CASZ1: variants seen among roughly 807,000 people sequenced by gnomAD.
The protein encoded by CASZ1 is zinc finger protein castor homolog 1.
In CASZ1, 28 loss-of-function variants were observed where a neutral mutation model predicts 135.2. The observed-to-expected ratio is 0.21, with a 90% CI of 0.15 to 0.28. The LOEUF is 0.28. CASZ1 is among the 10% of genes least tolerant of loss of function. CASZ1 has a pLI of 1.00. For missense variants in CASZ1, 2,161 were observed against 2,453.3 expected (o/e 0.88, Z 2.52); for synonymous variants, 1,068 against 1,073.4 (o/e 0.99, Z 0.10).
In CASZ1 at chr1:10,647,170, C is replaced by T. The variant is rs1278688437; in HGVS notation, c.3497+631G>A. The T allele has an allele frequency of 7.5e-6, 7 of 928,592 alleles. No homozygotes were observed. Among genetic ancestry groups the T allele is most frequent in the Non-Finnish European group, 9.0e-6 (7 of 777,368 alleles). The allele number at this position is 928,592 out of a possible 1,614,324, so 57.5% of individuals were successfully genotyped here. On this transcript the variant is annotated intron_variant, in intron 16 of 20. Transcript: ENST00000377022. This position sits in a 1 kb window ranked among gnomAD's most constrained non-coding sequence, Gnocchi z 4.9. ...GCCCCTTCCATGCTGTGGGCCCAGC[C>T]CCAGTTGCTCAGAGAGGGAGGACAG... is the stretch of plus-strand genomic sequence containing the variant.
intron 7 of CASZ1, 55 bp downstream of exon 7, chr1:10,658,453 G>T: frequency 6.8e-7 from 1 of 1,463,976 alleles, no homozygotes; most frequent in Non-Finnish European, 9.6e-7. Flanking sequence ...AGAGTGCCCG[G>T]TCAGTCCTGG....
In CASZ1 at chr1:10,697,390, G is replaced by A. The variant is rs1156971464; in HGVS notation, c.-23-3478C>T. Among the ~76,000 whole-genome samples the A allele has an allele frequency of 6.6e-6, 1 of 152,096 alleles. No individual in the cohort carries two copies. The highest frequency in any genetic ancestry group is 1.9e-4 in the East Asian group (1 of 5,178). Reference sequence around the variant, plus strand: ...AGGACCTTCATGCCCGGGACTCAAGGGATGGAAGTCCAATGCCATAATCTC... The same window carrying A: ...AGGACCTTCATGCCCGGGACTCAAGAGATGGAAGTCCAATGCCATAATCTC... On this transcript the variant is annotated intron_variant, in intron 3 of 20. Transcript: ENST00000377022. The surrounding 1 kb of genome is among the most constrained non-coding windows in gnomAD (Gnocchi z 4.7).
At chr1:10,770,882 C>T (rs574759713) in intron 1 of CASZ1, among the ~76,000 whole-genome samples, 4 of 152,338 alleles carry the variant, frequency 2.6e-5, no homozygotes, top group Non-Finnish European at 5.9e-5. Context: ...AGAGCCAGTG[C>T]TTTCAGGATA....
chr1:10,652,295 G>A (rs921665391), intron 11 of CASZ1: 2 of 152,276 alleles, frequency 1.3e-5, no homozygotes, highest in Admixed American at 6.5e-5. Flanking sequence ...TGCGGGCAGC[G>A]CCTTGGTTCA....
Position 10,699,438 on chromosome 1 carries a change from C to T in CASZ1, c.-23-5526G>A, listed in dbSNP as rs889622410. Among the ~76,000 whole-genome samples the T allele has an allele frequency of 1.3e-5, 2 of 152,114 alleles. No homozygotes were observed. The highest frequency in any genetic ancestry group is 2.4e-5 in the African/African-American group (1 of 41,410). On this transcript the variant is annotated intron_variant, in intron 3 of 20. Transcript: ENST00000377022. The surrounding 1 kb of genome is among the most constrained non-coding windows in gnomAD (Gnocchi z 4.6). ...TCAGTAGAGCCTGGGGATGTGGCATCGGTGGGGGCATAAAGTGACCCAAGG... is the reference window on the plus strand; with the variant it reads ...TCAGTAGAGCCTGGGGATGTGGCATTGGTGGGGGCATAAAGTGACCCAAGG...
chr1:10,751,483 C>T (rs1570558918), intron 2 of CASZ1, among the ~76,000 whole-genome samples: 3 of 152,162 alleles, frequency 2.0e-5, no homozygotes, highest in Admixed American at 6.5e-5. Context: ...CCAGGCAGCA[C>T]GGAGCACTCC....
chr1:10,645,978 G>C, intron 17 of CASZ1, 150 bp downstream of exon 17: 1 of 771,848 alleles, frequency 1.3e-6, no homozygotes, highest in Non-Finnish European at 2.2e-6. Context: ...GGGGCAGATG[G>C]TGCTCTTTCC....
chr1:10,730,330 G>A (rs1212529274), intron 2 of CASZ1, among the ~76,000 whole-genome samples: 1 of 152,046 alleles, frequency 6.6e-6, no homozygotes, highest in Non-Finnish European at 1.5e-5. Context: ...CACTGCGCCC[G>A]GCCCCATATT....
chr1:10,737,824 G>A (rs575357889), intron 2 of CASZ1, among the ~76,000 whole-genome samples: 7 of 152,324 alleles, frequency 4.6e-5, no homozygotes, highest in Admixed American at 1.3e-4. Context: ...CGGAGGCCCC[G>A]GCCCACTCCA....
chr1:10,728,233 G>C (rs924548417), intron 2 of CASZ1, among the ~76,000 whole-genome samples: 2 of 152,216 alleles, frequency 1.3e-5, no homozygotes, highest in African/African-American at 4.8e-5. Context: ...ACTGGCCTGA[G>C]GCCATCAACT....
At chr1:10,693,965 C>A (rs901102712) in intron 3 of CASZ1, 53 bp from the exon 4 acceptor site, 4 of 1,556,756 alleles carry the variant, frequency 2.6e-6, no homozygotes, top group Admixed American at 3.4e-5. Flanking sequence ...ACGGGGTTAG[C>A]GTCTCGCGGG....
chr1:10,654,342 A>C, intron 10 of CASZ1, 77 bp downstream of exon 10: 1 of 1,582,898 alleles, frequency 6.3e-7, no homozygotes, highest in Non-Finnish European at 8.6e-7. Flanking sequence ...CAGGGGCCTG[A>C]GCCGTCCCAC....
chr1:10,656,707 A>G lies in CASZ1; in HGVS notation c.1439T>C (p.Ile480Thr). The G allele has an allele frequency of 1.2e-6, 2 of 1,601,552 alleles. No homozygotes were observed. The highest frequency in any genetic ancestry group is 2.3e-5 in the South Asian group (2 of 88,346). Residue 480 changes from isoleucine to threonine, a missense_variant, in exon 8 of 21, where the codon ATC (isoleucine) becomes ACC (threonine). Ile to Thr is a moderately conservative substitution (Grantham distance 89). Coordinates refer to ENST00000377022, the MANE Select transcript of CASZ1 (RefSeq NM_001079843.3). ...RFSGSQHCGHIHCAYQYREHY... is the reference protein window; with the variant it reads ...RFSGSQHCGHTHCAYQYREHY... Reference sequence around the variant, plus strand: ...CTCGCGGTACTGGTAGGCACAGTGGATGTGGCCACAGTGCTGGCTGCCCGA... The same window carrying G: ...CTCGCGGTACTGGTAGGCACAGTGGGTGTGGCCACAGTGCTGGCTGCCCGA...
At position 10,777,928 on chromosome 1, in the gene CASZ1, C is replaced by T. The variant is rs1640690186; in HGVS notation, c.-233-17071G>A. ...TCACACACAGGCACACACAGTCTTC[C>T]ACACCATTTCACACTATGTCACAAC... is the stretch of plus-strand genomic sequence containing the variant. On this transcript the variant is annotated intron_variant, in intron 1 of 20. Transcript: ENST00000377022. This position sits in a 1 kb window ranked among gnomAD's most constrained non-coding sequence, Gnocchi z 4.4. Among the ~76,000 whole-genome samples, 2 of 151,986 alleles carry T rather than the reference C, an allele frequency of 1.3e-5. No individual in the cohort carries two copies. Among genetic ancestry groups the T allele is most frequent in the South Asian group, 2.1e-4 (1 of 4,818 alleles).
intron 2 of CASZ1, among the ~76,000 whole-genome samples, chr1:10,734,953 C>T (rs952543168): frequency 6.6e-6 from 1 of 152,088 alleles, no homozygotes; most frequent in Admixed American, 6.5e-5. Flanking sequence ...CCACAAGGGC[C>T]CACCCAGTCC....
intron 2 of CASZ1, among the ~76,000 whole-genome samples, chr1:10,715,618 T>A (rs879243558): frequency 1.5e-3 from 73 of 49,294 alleles, no homozygotes; most frequent in East Asian, 6.5e-3. Flanking sequence ...CCCAATCCGC[T>A]CCCCACAGCA....
At position 10,638,896 on chromosome 1, in the gene CASZ1, C is replaced by T; in HGVS notation, c.*46G>A. 1 of 978,202 alleles carries T rather than the reference C, an allele frequency of 1.0e-6. No individual in the cohort carries two copies. Among genetic ancestry groups the T allele is most frequent in the Non-Finnish European group, 1.2e-6 (1 of 827,646 alleles). The allele number at this position is 978,202 out of a possible 1,614,324, so 60.6% of individuals were successfully genotyped here. A position where few individuals can be genotyped will look rare whatever the true frequency, so the allele number is the denominator to read the frequency against. ...CGCTTCGCGCGGGGCGGCGCCGCTC[C>T]CGAGGCCGAGGCCGAGGCCGCCGCC... is the stretch of plus-strand genomic sequence containing the variant. On this transcript the variant is annotated 3_prime_UTR_variant, in exon 21 of 21. Transcript: ENST00000377022. This position sits in a 1 kb window ranked among gnomAD's most constrained non-coding sequence, Gnocchi z 5.9.
chr1:10,784,627 G>A (rs1640823310), intron 1 of CASZ1, among the ~76,000 whole-genome samples: 1 of 152,104 alleles, frequency 6.6e-6, no homozygotes, highest in Admixed American at 6.5e-5. Context: ...GCAGTGGTAT[G>A]ATCTCAGTTC....
Position 10,686,721 on chromosome 1 carries a change from C to T in CASZ1, c.16+7153G>A, listed in dbSNP as rs557740. 7.6e-3 allele frequency among the ~76,000 whole-genome samples: 1,165 copies of T among 152,344 alleles called. 13 individuals carry two copies. The highest frequency in any genetic ancestry group is 0.013 in the Non-Finnish European group (883 of 68,034). ...CGTAACCGTGGAAACGAGGAATAAACGGCCACCAGAAAATGAGATGATTAA... is the reference window on the plus strand; with the variant it reads ...CGTAACCGTGGAAACGAGGAATAAATGGCCACCAGAAAATGAGATGATTAA... On this transcript the variant is annotated intron_variant, in intron 4 of 20. Transcript: ENST00000377022.
Sources: gnomAD v4.1 joint callset for allele counts (sites outside exome capture counted in the v4.1 genomes callset) on GRCh38, gnomAD v4.1.1 for gene constraint, Gnocchi (gnomAD v3.1) non-coding constraint, MANE v1.5 for transcripts, NCBI Gene and HGNC (gene_info 2026-07-23, HGNC 2026-07-21) for gene names.